The following ACAD8 variants were observed in gnomAD, a reference collection of about 807,000 sequenced individuals.
The protein encoded by ACAD8 is isobutyryl-CoA dehydrogenase, mitochondrial.
ACAD8 carries 47 observed loss-of-function variants against 53.1 expected under a neutral mutation model. The ratio of observed to expected loss-of-function variants is 0.89; its 90% CI spans 0.70 to 1.13. The LOEUF is 1.13. ACAD8 is among the 50% of genes most tolerant of loss of function. ACAD8 has a pLI of 0.00. For missense variants in ACAD8, 494 were observed against 535.0 expected (o/e 0.92, Z 0.76); for synonymous variants, 198 against 201.3 (o/e 0.98, Z 0.14).
chr11:134,256,096 G>A (rs12417114), intron 1 of ACAD8, among the ~76,000 whole-genome samples: 56,558 of 152,050 alleles, frequency 0.37, 10,765 homozygotes, highest in African/African-American at 0.46. Flanking sequence ...TAGTAGAGGC[G>A]GGGTTTTTCC....
In ACAD8 at chr11:134,262,670, A is replaced by T. The variant is rs780766277; in HGVS notation, c.1195+48A>T. 2.6e-6 allele frequency: 4 copies of T among 1,566,246 alleles called. No individual in the cohort carries two copies. The East Asian group carries it at 9.2e-5, about 36-fold the overall frequency. On this transcript the variant is annotated intron_variant, in intron 10 of 10. Transcript: ENST00000281182. ...CTCTTCCCTTCAGAACGGGGGCGGG[A>T]TCGCTGCTTTCCCCACTCTCTGTCC...
intron 6 of ACAD8, chr11:134,260,272 C>G: frequency 1.1e-6 from 1 of 936,060 alleles, no homozygotes; most frequent in African/African-American, 1.8e-5. Context: ...AGGGCATGAA[C>G]AGGAGACTTG....
rs1166647651 is a variant in ACAD8, at chr11:134,261,710, G to T, written c.940-28G>T. The T allele has an allele frequency of 1.9e-6, 3 of 1,611,970 alleles. No individual in the cohort carries two copies. The highest frequency in any genetic ancestry group is 1.7e-6 in the Non-Finnish European group (2 of 1,179,982). On this transcript the variant is annotated intron_variant, in intron 8 of 10. Transcript: ENST00000281182. The surrounding 1 kb of genome is among the most constrained non-coding windows in gnomAD (Gnocchi z 4.2). ...GTGCTGGTCTAAGCCCCTCAGTCTT[G>T]TCTGGTTCTCTGCTCCCTGTGCTGC...
chr11:134,259,649 C>A lies in ACAD8; in HGVS notation c.609C>A (p.Val203=). 6.2e-7 allele frequency: 1 copy of A among 1,614,178 alleles called. No homozygotes were observed. Among genetic ancestry groups the A allele is most frequent in the South Asian group, 1.1e-5 (1 of 91,062 alleles). ...SGAGESDIYV[V]MCRTGGPGPK... ...CTGGTGAGTCAGACATCTATGTGGT[C>A]ATGTGCCGAACAGGAGGACCAGGCC... The change falls in exon 6 of 11, where the codon GTC becomes GTA. Residue 203 remains valine, a synonymous_variant. Transcript: ENST00000281182.
intron 4 of ACAD8, 66 bp downstream of exon 4, chr11:134,258,690 G>T: frequency 8.4e-7 from 1 of 1,194,988 alleles, no homozygotes; most frequent in South Asian, 1.3e-5. Context: ...TGGCATTACC[G>T]AGCACTCCTT....
At chr11:134,255,581 G>A (rs1956401377) in intron 1 of ACAD8, among the ~76,000 whole-genome samples, 1 of 152,258 alleles carries the variant, frequency 6.6e-6, no homozygotes, top group Non-Finnish European at 1.5e-5. Context: ...ACCCCAGTCA[G>A]AGAACCATGA....
intron 6 of ACAD8, chr11:134,260,160 T>C (rs1448789687): frequency 8.7e-7 from 1 of 1,148,698 alleles, no homozygotes; most frequent in South Asian, 1.9e-5. Flanking sequence ...GTAAAACTCA[T>C]TGGAGATGAT....
intron 1 of ACAD8, among the ~76,000 whole-genome samples, chr11:134,254,010 C>G (rs1939308558): frequency 6.6e-6 from 1 of 150,964 alleles, no homozygotes; most frequent in Non-Finnish European, 1.5e-5. Context: ...CGGTCCTCCT[C>G]CGGCCGGTCA....
Position 134,253,599 on chromosome 11 carries a change from C to G in ACAD8, c.-2C>G, listed in dbSNP as rs750562731. 6.3e-7 allele frequency: 1 copy of G among 1,581,630 alleles called. No homozygotes were observed. The highest frequency in any genetic ancestry group is 1.8e-5 in the Admixed American group (1 of 56,092). On this transcript the variant is annotated 5_prime_UTR_variant, in exon 1 of 11. Transcript: ENST00000281182. ...TTAGCTGAACGCGGAGCTGCGGCGG[C>G]TATGCTGTGGAGCGGCTGCCGGCGT... is the stretch of plus-strand genomic sequence containing the variant.
rs1477297085 is a variant in ACAD8 at position 134,257,172 on chromosome 11, G to A, written c.295G>A (p.Gly99Arg). ...CATACAAACAGATGTGGGCGGGTCT[G>A]GGCTGTCACGTCTTGATACCTCTGT... ...VYIQTDVGGS[G>R]LSRLDTSVIF... is the part of the protein sequence containing the mutation. The change falls in exon 3 of 11, where the codon GGG becomes AGG. Residue 99 changes from glycine to arginine, a missense_variant. Transcript: ENST00000281182. 3.1e-6 allele frequency: 5 copies of A among 1,614,074 alleles called. No homozygotes were observed. The highest frequency in any genetic ancestry group is 1.1e-5 in the South Asian group (1 of 91,094).
intron 6 of ACAD8, chr11:134,260,254 C>T: frequency 9.7e-7 from 1 of 1,029,406 alleles, no homozygotes; most frequent in Non-Finnish European, 1.2e-6. Context: ...TTAAGAGCCG[C>T]CATGGCCAGG....
chr11:134,254,482 TC>T, intron 1 of ACAD8, among the ~76,000 whole-genome samples: 1 of 152,340 alleles, frequency 6.6e-6, no homozygotes, highest in South Asian at 2.1e-4. Context: ...AACACTTTTT[TC>T]TTCTGAAATA....
Position 134,257,203 on chromosome 11 carries a change from T to C in ACAD8, c.326T>C (p.Phe109Ser), listed in dbSNP as rs1939586683. Residue 109 changes from phenylalanine (F) to serine (S), a missense_variant, in exon 3 of 11, where the codon TTT (phenylalanine) becomes TCT (serine). Coordinates refer to ENST00000281182, the MANE Select transcript of ACAD8 (RefSeq NM_014384.3). ...TCACGTCTTGATACCTCTGTCATTT[T>C]TGAAGCCTTGGCTACAGGCTGCACC... is the stretch of plus-strand genomic sequence containing the variant. ...GLSRLDTSVI[F>S]EALATGCTST... 6.2e-7 allele frequency: 1 copy of C among 1,614,102 alleles called. No individual in the cohort carries two copies. Among genetic ancestry groups the C allele is most frequent in the Admixed American group, 1.7e-5 (1 of 60,008 alleles).
intron 4 of ACAD8, 53 bp from the exon 5 acceptor site, chr11:134,258,955 C>G: frequency 6.9e-7 from 1 of 1,446,622 alleles, no homozygotes; most frequent in Non-Finnish European, 9.7e-7. Flanking sequence ...TGGGCTCCCT[C>G]GACCTCACTG....
At position 134,253,634 on chromosome 11, in the gene ACAD8, C is replaced by T. The variant is rs763184990; in HGVS notation, c.34C>T (p.Arg12Cys). The T allele has an allele frequency of 2.1e-5, 33 of 1,584,952 alleles. No homozygotes were observed. Among genetic ancestry groups the T allele is most frequent in the South Asian group, 1.1e-5 (1 of 87,852 alleles). ...GAGCGGCTGCCGGCGTTTCGGGGCG[C>T]GCCTCGGCTGCCTGCCCGGCGGTCT... ...LWSGCRRFGA[R>C]LGCLPGGLRV... The change falls in exon 1 of 11, where the codon CGC (arginine) becomes TGC (cysteine). Residue 12 changes from arginine to cysteine, a missense_variant. By Grantham distance (180) the Arg-to-Cys change is radical. Coordinates refer to ENST00000281182, the MANE Select transcript of ACAD8 (RefSeq NM_014384.3).
In ACAD8 at chr11:134,261,233, G is replaced by C. The variant is rs1024578942; in HGVS notation, c.842-42G>C. 23 of 1,614,008 alleles carry C rather than the reference G, an allele frequency of 1.4e-5. No individual in the cohort carries two copies. The highest frequency in any genetic ancestry group is 1.9e-5 in the Non-Finnish European group (23 of 1,180,018). On this transcript the variant is annotated intron_variant, in intron 7 of 10. Transcript: ENST00000281182. The surrounding 1 kb of genome is among the most constrained non-coding windows in gnomAD (Gnocchi z 4.2). ...GTAGCGGTCCGGGACAGGCACTGCTGTTTTCCAGCTTGGTTGGAACGTCGG... is the reference window on the plus strand; with the variant it reads ...GTAGCGGTCCGGGACAGGCACTGCTCTTTTCCAGCTTGGTTGGAACGTCGG...
At position 134,258,481 on chromosome 11, in the gene ACAD8, T is replaced by C. The variant is rs751723313; in HGVS notation, c.381-34T>C. 4 of 1,480,940 alleles carry C rather than the reference T, an allele frequency of 2.7e-6. No individual in the cohort carries two copies. In the South Asian group the frequency reaches 3.4e-5, roughly 13 times the overall value. 91.7% of individuals were successfully genotyped at this position (1,480,940 alleles called of 1,614,324 possible). ...TTTTTTTCTTTTCCATCTTTATTTCTGTCATTGTCTTTTCTTCTTGGTGTA... is the reference window on the plus strand; with the variant it reads ...TTTTTTTCTTTTCCATCTTTATTTCCGTCATTGTCTTTTCTTCTTGGTGTA... On this transcript the variant is annotated intron_variant, in intron 3 of 10. Coordinates refer to ENST00000281182, the MANE Select transcript of ACAD8 (RefSeq NM_014384.3).
intron 4 of ACAD8, 81 bp from the exon 5 acceptor site, chr11:134,258,927 T>A: frequency 8.2e-7 from 1 of 1,222,728 alleles, no homozygotes; most frequent in Non-Finnish European, 1.2e-6. Context: ...GAAGATTTCC[T>A]AGAAGATAGA....
chr11:134,256,131 TC>T (rs1939515328), intron 1 of ACAD8, among the ~76,000 whole-genome samples: 1 of 152,256 alleles, frequency 6.6e-6, no homozygotes, highest in Non-Finnish European at 1.5e-5. Flanking sequence ...GGTCTTGAGC[TC>T]CTGACCTCAG....
Sources: gnomAD v4.1 joint callset for allele counts (sites outside exome capture counted in the v4.1 genomes callset) on GRCh38, gnomAD v4.1.1 for gene constraint, Gnocchi (gnomAD v3.1) non-coding constraint, MANE v1.5 for transcripts, NCBI Gene and HGNC (gene_info 2026-07-23, HGNC 2026-07-21) for gene names.